Variants in SPAG16 observed in about 807,000 individuals in gnomAD.
The protein encoded by SPAG16 is sperm-associated antigen 16 protein.
SPAG16 carries 86 observed loss-of-function variants against 80.4 expected under a neutral mutation model. That is an observed-to-expected ratio of 1.07 (90% CI 0.90 to 1.28). The LOEUF (loss-of-function observed/expected upper bound fraction) is 1.28. Ranked by LOEUF, SPAG16 falls within the 50% of genes most tolerant of loss-of-function variation. SPAG16 has a pLI of 0.00. For synonymous variants in SPAG16, 294 were observed against 265.9 expected (o/e 1.11, Z -1.03); for missense variants, 870 against 765.3 (o/e 1.14, Z -1.61).
At chr2:214,302,584 G>A (rs947242723) in intron 15 of SPAG16, among the ~76,000 whole-genome samples, 22 of 152,088 alleles carry the variant, frequency 1.4e-4, no homozygotes, top group African/African-American at 4.6e-4. Flanking sequence ...GGGTTCAAGC[G>A]ATTCTCCTGC....
At chr2:214,247,890 C>T (rs897510254) in intron 15 of SPAG16, among the ~76,000 whole-genome samples, 10 of 151,686 alleles carry the variant, frequency 6.6e-5, no homozygotes, top group African/African-American at 2.4e-4. Context: ...TAGCGGGGCA[C>T]GGTGGTATGC....
intron 10 of SPAG16, among the ~76,000 whole-genome samples, chr2:213,688,252 A>T (rs553643661): frequency 2.0e-5 from 3 of 152,364 alleles, no homozygotes; most frequent in African/African-American, 7.2e-5. Flanking sequence ...GAATTCTCAT[A>T]GTGGCTGCCA....
intron 8 of SPAG16, among the ~76,000 whole-genome samples, 172 bp from the exon 9 acceptor site, chr2:213,374,838 C>T (rs2066806812): frequency 6.6e-6 from 1 of 151,986 alleles, no homozygotes; most frequent in Admixed American, 6.6e-5. Flanking sequence ...TTTTTGGGAA[C>T]TGAATTTTGA....
intron 12 of SPAG16, among the ~76,000 whole-genome samples, chr2:213,935,833 A>G (rs1278618290): frequency 6.6e-6 from 1 of 152,206 alleles, no homozygotes; most frequent in South Asian, 2.1e-4. Context: ...TGCATTGAGC[A>G]CTTACTTCGT....
chr2:214,131,333 G>C (rs529313185), intron 14 of SPAG16, among the ~76,000 whole-genome samples: 1 of 150,370 alleles, frequency 6.7e-6, no homozygotes, highest in Admixed American at 6.7e-5. Context: ...TCATGCCACT[G>C]TACTCCAACC....
At chr2:213,797,777 G>A (rs1024951011) in intron 10 of SPAG16, among the ~76,000 whole-genome samples, 1 of 152,198 alleles carries the variant, frequency 6.6e-6, no homozygotes, top group Non-Finnish European at 1.5e-5. Flanking sequence ...AAGCTGCTGT[G>A]AGCATTTATG....
intron 15 of SPAG16, among the ~76,000 whole-genome samples, chr2:214,306,184 T>G (rs1694899372): frequency 6.6e-6 from 1 of 152,150 alleles, no homozygotes; most frequent in Non-Finnish European, 1.5e-5. Context: ...CTTTGACTGT[T>G]GTTGGTGTAT....
chr2:213,442,172 T>C (rs1226552013), intron 9 of SPAG16, among the ~76,000 whole-genome samples: 2 of 152,112 alleles, frequency 1.3e-5, no homozygotes, highest in Non-Finnish European at 2.9e-5. Context: ...CCGAAACCAC[T>C]ATATCATTTA....
chr2:214,315,545 A>G (rs1479063888), intron 15 of SPAG16, among the ~76,000 whole-genome samples: 1 of 135,798 alleles, frequency 7.4e-6, no homozygotes, highest in Non-Finnish European at 1.6e-5. Context: ...TTATTTATTT[A>G]TTTTGAAACA....
At chr2:213,546,499 A>G (rs1282656700) in intron 10 of SPAG16, among the ~76,000 whole-genome samples, 1 of 152,214 alleles carries the variant, frequency 6.6e-6, no homozygotes. Flanking sequence ...CATTACAAAC[A>G]TGTAATAATC....
intron 10 of SPAG16, among the ~76,000 whole-genome samples, chr2:213,541,923 A>T (rs748252800): frequency 6.6e-5 from 10 of 152,182 alleles, no homozygotes; most frequent in Non-Finnish European, 8.8e-5. Context: ...TGGGGAGTGG[A>T]TGGAGATACC....
chr2:214,062,132 C>G (rs1462581115), intron 13 of SPAG16, among the ~76,000 whole-genome samples: 1 of 151,910 alleles, frequency 6.6e-6, no homozygotes, highest in Non-Finnish European at 1.5e-5. Flanking sequence ...AAAAACCAAC[C>G]TCCTGGGCCA....
At chr2:214,400,912 T>G (rs1029034664) in intron 15 of SPAG16, among the ~76,000 whole-genome samples, 2 of 152,046 alleles carry the variant, frequency 1.3e-5, no homozygotes, top group Non-Finnish European at 1.5e-5. Flanking sequence ...ACTCTATGTT[T>G]TACACTTTGA....
chr2:213,833,473 AATAATATATATAT>A lies in SPAG16; in HGVS notation c.1071-29011_1071-28999del. Among the ~76,000 whole-genome samples the A allele has an allele frequency of 3.0e-4, 2 of 6,754 alleles. 1 individual carries two copies. Among genetic ancestry groups the A allele is most frequent in the African/African-American group, 9.4e-4 (2 of 2,126 alleles). 4.4% of individuals were successfully genotyped at this position (6,754 alleles called of 152,430 possible). ...TATATATTATATATATATTATATATAATAATATATATATTATATATAATATATATATTATATAT... is the reference window on the plus strand; with the variant it reads ...TATATATTATATATATATTATATATATATATATAATATATATATTATATAT... On this transcript the variant is annotated intron_variant, in intron 10 of 15. Transcript: ENST00000331683.
At chr2:214,073,163 C>T (rs1251798444) in intron 13 of SPAG16, among the ~76,000 whole-genome samples, 1 of 150,880 alleles carries the variant, frequency 6.6e-6, no homozygotes, top group Non-Finnish European at 1.5e-5. Flanking sequence ...AACTACCTAC[C>T]AAAATTGGTC....
At chr2:214,318,724 A>G (rs1008096075) in intron 15 of SPAG16, among the ~76,000 whole-genome samples, 2 of 152,124 alleles carry the variant, frequency 1.3e-5, no homozygotes, top group Non-Finnish European at 2.9e-5. Flanking sequence ...TTCAAAATTT[A>G]GACCAGGCCT....
chr2:214,250,364 AT>A (rs1342776630), intron 15 of SPAG16, among the ~76,000 whole-genome samples: 3 of 151,802 alleles, frequency 2.0e-5, no homozygotes, highest in African/African-American at 7.2e-5. Context: ...AATATTATGG[AT>A]TTTTGGATAT....
intron 9 of SPAG16, among the ~76,000 whole-genome samples, chr2:213,452,406 C>T (rs2071752294): frequency 6.6e-6 from 1 of 152,162 alleles, no homozygotes; most frequent in Non-Finnish European, 1.5e-5. Context: ...ACATCCCTCA[C>T]TCTATATCCA....
At chr2:213,942,838 T>C (rs1323772934) in intron 12 of SPAG16, among the ~76,000 whole-genome samples, 1 of 152,172 alleles carries the variant, frequency 6.6e-6, no homozygotes, top group African/African-American at 2.4e-5. Context: ...ACTAAGTGCT[T>C]GTGTCCCTCC....
Sources: gnomAD v4.1 joint callset for allele counts (sites outside exome capture counted in the v4.1 genomes callset) on GRCh38, gnomAD v4.1.1 for gene constraint, MANE v1.5 for transcripts, NCBI Gene and HGNC (gene_info 2026-07-23, HGNC 2026-07-21) for gene names.